The following STYXL1 variants were observed in gnomAD, a reference collection of about 807,000 sequenced individuals.
The protein encoded by STYXL1 is serine/threonine/tyrosine-interacting-like protein 1.
A neutral mutation model predicts 36.4 loss-of-function variants in STYXL1; 32 were observed. The ratio of observed to expected loss-of-function variants is 0.88; its 90% CI spans 0.66 to 1.18. The LOEUF is 1.18. STYXL1 is among the 50% of genes most tolerant of loss of function. The pLI, the probability that STYXL1 is intolerant of heterozygous loss-of-function variation, is 0.00. For synonymous variants in STYXL1, 133 were observed against 144.1 expected (o/e 0.92, Z 0.55); for missense variants, 354 against 394.1 (o/e 0.90, Z 0.86).
intron 2 of STYXL1, among the ~76,000 whole-genome samples, chr7:76,029,882 A>G (rs1439077992): frequency 6.6e-6 from 1 of 152,192 alleles, no homozygotes; most frequent in Non-Finnish European, 1.5e-5. Context: ...GTGGCTGTAA[A>G]TACAGATGAA....
chr7:76,033,733 A>C (rs1307980541), intron 1 of STYXL1, among the ~76,000 whole-genome samples: 1 of 152,016 alleles, frequency 6.6e-6, no homozygotes, highest in Admixed American at 6.6e-5. Context: ...ATCCTCTTGT[A>C]CCTATCTGTT....
At position 76,045,455 on chromosome 7, in the gene STYXL1, G is replaced by C. The variant is rs533303130; in HGVS notation, c.-5+2207C>G. 4.6e-5 allele frequency: 7 copies of C among 152,332 alleles called. No homozygotes were observed. The East Asian group carries it at 1.4e-3, about 29-fold the overall frequency. The allele number at this position is 152,332 out of a possible 1,614,324, so 9.4% of individuals were successfully genotyped here. A position where few individuals can be genotyped will look rare whatever the true frequency, so the allele number is the denominator to read the frequency against. ...CTCACGCCTATAATCCCAGCACTTT[G>C]AGAGGCTGACTCGGGCAGATCACTT... On this transcript the variant is annotated intron_variant, in intron 1 of 8. Transcript: ENST00000359697.
rs1159067824 is a variant in STYXL1 at position 76,026,192 on chromosome 7, C to CAAAAAAAAAAAAAAAAAAA, written c.165+2431_165+2449dup. 3.2e-4 allele frequency among the ~76,000 whole-genome samples: 6 copies of CAAAAAAAAAAAAAAAAAAA among 18,624 alleles called. 2 individuals are homozygous for CAAAAAAAAAAAAAAAAAAA. The highest frequency in any genetic ancestry group is 5.2e-4 in the Non-Finnish European group (6 of 11,488). The allele number at this position is 18,624 out of a possible 152,430, so 12.2% of individuals were successfully genotyped here. ...GGAGGACAGAGCAAGACTCTGTCTC[C>CAAAAAAAAAAAAAAAAAAA]AAAAAAAAAAAAAAAAAAAAAAAAA... On this transcript the variant is annotated intron_variant, in intron 3 of 8. Transcript: ENST00000359697.
In STYXL1 at chr7:76,034,578, T is replaced by G. The variant is rs964702173; in HGVS notation, c.-4-4051A>C. 3.6e-4 allele frequency among the ~76,000 whole-genome samples: 55 copies of G among 152,134 alleles called. 1 individual carries two copies. The highest frequency in any genetic ancestry group is 1.3e-3 in the African/African-American group (55 of 41,518). ...AAGAATGCCCCCGGGCTTACTTTCC[T>G]TTTTTTCTGCTTTATCTACACTCAC... On this transcript the variant is annotated intron_variant, in intron 1 of 8. Transcript: ENST00000359697.
chr7:76,016,675 C>G (rs1465601290), intron 4 of STYXL1, among the ~76,000 whole-genome samples: 1 of 152,040 alleles, frequency 6.6e-6, no homozygotes, highest in Admixed American at 6.6e-5. Context: ...CAAATCAAAA[C>G]CACAATGAGA....
chr7:75,996,608 A>G lies in STYXL1; in HGVS notation c.811-9T>C. On this transcript the variant is annotated splice_polypyrimidine_tract_variant and intron_variant, in intron 8 of 8. Transcript: ENST00000359697. ...ACATAGGCCCAGGACCTCTATGAAT[A>G]CAAAGAGAGAAAGTGAACTTCACGA... 1.2e-6 allele frequency: 2 copies of G among 1,613,708 alleles called. No homozygotes were observed. Among genetic ancestry groups the G allele is most frequent in the Non-Finnish European group, 1.7e-6 (2 of 1,179,646 alleles).
chr7:76,007,420 G>A (rs1791922275), intron 5 of STYXL1, among the ~76,000 whole-genome samples: 1 of 152,066 alleles, frequency 6.6e-6, no homozygotes, highest in Admixed American at 6.6e-5. Flanking sequence ...GTGAGACTCT[G>A]TCTCAAATAA....
chr7:76,031,928 G>A (rs1327789371), intron 1 of STYXL1, among the ~76,000 whole-genome samples: 1 of 152,142 alleles, frequency 6.6e-6, no homozygotes, highest in South Asian at 2.1e-4. Flanking sequence ...AGTCTAGCAT[G>A]GAATGCAGAC....
intron 1 of STYXL1, chr7:76,045,137 A>G (rs1379563148): frequency 6.6e-6 from 1 of 151,430 alleles, no homozygotes; most frequent in Non-Finnish European, 1.5e-5. Context: ...CTCTTTATGT[A>G]TTTTCCACAC....
chr7:76,025,880 ATTGAG>A (rs1381078957), intron 3 of STYXL1, among the ~76,000 whole-genome samples: 4 of 151,804 alleles, frequency 2.6e-5, no homozygotes, highest in Non-Finnish European at 4.4e-5. Context: ...CTGCTGAGTT[ATTGAG>A]TTATGTGCAG....
At chr7:76,002,888 C>A (rs1297623172) in intron 7 of STYXL1, among the ~76,000 whole-genome samples, 8 of 152,182 alleles carry the variant, frequency 5.3e-5, no homozygotes, top group Non-Finnish European at 1.5e-5. Context: ...TGTGCCACTA[C>A]ACTCCAGCCT....
intron 1 of STYXL1, chr7:76,044,669 T>A (rs1056723388): frequency 6.6e-6 from 1 of 151,940 alleles, no homozygotes; most frequent in East Asian, 1.9e-4. Flanking sequence ...CTGGCCTGAG[T>A]TTCAATCCCA....
chr7:76,039,000 T>C lies in STYXL1; in HGVS notation c.-4-8473A>G, dbSNP rs1318063936. Among the ~76,000 whole-genome samples, 3 of 145,884 alleles carry C rather than the reference T, an allele frequency of 2.1e-5. 1 individual carries two copies. The highest frequency in any genetic ancestry group is 8.2e-5 in the African/African-American group (3 of 36,546). ...TCTTGCCCTGTTGCCTAGGCTGTAC[T>C]GCAGTGGTGCAATCTCGGCTCACCA... On this transcript the variant is annotated intron_variant, in intron 1 of 8. Transcript: ENST00000359697.
chr7:76,001,083 T>A, intron 7 of STYXL1, 81 bp from the exon 8 acceptor site: 1 of 1,057,716 alleles, frequency 9.5e-7, no homozygotes, highest in Non-Finnish European at 1.5e-6. Context: ...CTGGCCTCCA[T>A]GGGCCCGTGG....
intron 4 of STYXL1, among the ~76,000 whole-genome samples, chr7:76,019,709 A>G (rs1793819918): frequency 6.6e-6 from 1 of 152,084 alleles, no homozygotes; most frequent in Non-Finnish European, 1.5e-5. Flanking sequence ...TGGCATTGAC[A>G]GGAAGAATCT....
At chr7:76,020,383 C>T (rs1235579241) in intron 4 of STYXL1, among the ~76,000 whole-genome samples, 1 of 152,186 alleles carries the variant, frequency 6.6e-6, no homozygotes, top group African/African-American at 2.4e-5. Flanking sequence ...AGAAGCAGAG[C>T]TCCCAGTGCC....
chr7:76,000,657 C>T, intron 8 of STYXL1: 3 of 599,208 alleles, frequency 5.0e-6, no homozygotes, highest in South Asian at 1.6e-5. Context: ...TGCAGGACAG[C>T]CTGACCTGGC....
chr7:76,026,192 C>CAAAAAAAAAAAA lies in STYXL1; in HGVS notation c.165+2438_165+2449dup, dbSNP rs1159067824. ...GGAGGACAGAGCAAGACTCTGTCTC[C>CAAAAAAAAAAAA]AAAAAAAAAAAAAAAAAAAAAAAAA... On this transcript the variant is annotated intron_variant, in intron 3 of 8. Coordinates refer to ENST00000359697, the MANE Select transcript of STYXL1 (RefSeq NM_001317785.2). Among the ~76,000 whole-genome samples the CAAAAAAAAAAAA allele has an allele frequency of 9.1e-4, 17 of 18,624 alleles. 3 individuals carry two copies. Among genetic ancestry groups the CAAAAAAAAAAAA allele is most frequent in the South Asian group, 3.8e-3 (1 of 266 alleles). 12.2% of individuals were successfully genotyped at this position (18,624 alleles called of 152,430 possible).
intron 7 of STYXL1, 65 bp downstream of exon 7, chr7:76,003,693 G>A (rs1307573267): frequency 7.0e-6 from 10 of 1,429,344 alleles, no homozygotes; most frequent in South Asian, 1.2e-5. Flanking sequence ...TGTGAAGGAG[G>A]CTCCACTGCC....
Sources: allele counts gnomAD v4.1 joint callset (sites outside exome capture counted in the v4.1 genomes callset), GRCh38; gene constraint gnomAD v4.1.1; transcripts MANE v1.5; gene names NCBI Gene and HGNC (gene_info 2026-07-23, HGNC 2026-07-21).